Variants in MRTFB observed in about 807,000 individuals in gnomAD.
The protein encoded by MRTFB is myocardin-related transcription factor B.
Under a neutral mutation model 104.2 loss-of-function variants are expected in MRTFB, and 29 were observed. That is an observed-to-expected ratio of 0.28 (90% CI 0.21 to 0.38). MRTFB has a LOEUF of 0.38. Ranked by LOEUF, MRTFB falls within the 10% of genes least tolerant of loss-of-function variation. The pLI is 1.00. For missense variants in MRTFB, 1,270 were observed against 1,341.6 expected, an observed-to-expected ratio of 0.95 and a Z score of 0.83; for synonymous variants, 535 against 519.5, an observed-to-expected ratio of 1.03 and a Z score of -0.41.
At chr16:14,011,413 T>C in the MRTFB span, among the ~76,000 whole-genome samples, 1 of 152,160 alleles carries the variant, frequency 6.6e-6, no homozygotes. Flanking sequence ...GAAAGCACTC[T>C]GAGAAAAGAA....
At chr16:14,135,058 G>A (rs1197139682) in intron 2 of MRTFB, among the ~76,000 whole-genome samples, 1 of 152,126 alleles carries the variant, frequency 6.6e-6, no homozygotes, top group Non-Finnish European at 1.5e-5. Context: ...GAAATGATTT[G>A]CCTGAAGTCA....
At chr16:14,233,616 C>T (rs111396937) in intron 8 of MRTFB, among the ~76,000 whole-genome samples, 164 of 151,810 alleles carry the variant, frequency 1.1e-3, no homozygotes, top group African/African-American at 3.7e-3. Flanking sequence ...TGGTGAAACC[C>T]GCATCTCTAC....
chr16:14,217,904 C>T (rs976117462), intron 7 of MRTFB, among the ~76,000 whole-genome samples: 1 of 152,190 alleles, frequency 6.6e-6, no homozygotes, highest in African/African-American at 2.4e-5. Context: ...CACTTAGTTA[C>T]TGATGTTTCT....
chr16:14,238,403 G>T (rs1174017731), intron 9 of MRTFB, among the ~76,000 whole-genome samples: 2 of 152,196 alleles, frequency 1.3e-5, no homozygotes, highest in African/African-American at 4.8e-5. Context: ...TGTAAAGGTT[G>T]TAACAGAAAA....
intron 3 of MRTFB, among the ~76,000 whole-genome samples, chr16:14,182,201 A>G (rs1160608635): frequency 6.6e-6 from 1 of 152,146 alleles, no homozygotes; most frequent in Non-Finnish European, 1.5e-5. Flanking sequence ...AATTCATTCC[A>G]AAAGGCATTG....
the MRTFB span, among the ~76,000 whole-genome samples, chr16:14,007,786 C>G: frequency 1.3e-5 from 2 of 152,204 alleles, no homozygotes; most frequent in African/African-American, 4.8e-5. Context: ...GGTATCTCAT[C>G]ATCTCATCAT....
At chr16:14,092,053 C>A (rs1045231695) in intron 2 of MRTFB, among the ~76,000 whole-genome samples, 2 of 149,642 alleles carry the variant, frequency 1.3e-5, no homozygotes, top group Non-Finnish European at 3.0e-5. Context: ...CTTTGGTAAC[C>A]TATGATGGCA....
chr16:14,228,976 C>G (rs1748076162), intron 8 of MRTFB, among the ~76,000 whole-genome samples: 2 of 152,110 alleles, frequency 1.3e-5, no homozygotes, highest in African/African-American at 2.4e-5. Context: ...GGAACATGAA[C>G]AAGTCTGGAG....
intron 3 of MRTFB, among the ~76,000 whole-genome samples, chr16:14,180,300 A>G (rs2039725297): frequency 6.6e-6 from 1 of 152,220 alleles, no homozygotes. Flanking sequence ...TTGTATCAAT[A>G]AGGTGATGAA....
At chr16:14,229,013 A>G (rs931748754) in intron 8 of MRTFB, among the ~76,000 whole-genome samples, 1 of 152,212 alleles carries the variant, frequency 6.6e-6, no homozygotes, top group Non-Finnish European at 1.5e-5. Flanking sequence ...TTGCAGAACA[A>G]TATAAATGTA....
Position 14,262,186 on chromosome 16 carries a change from TG to T in MRTFB, c.*745del, listed in dbSNP as rs1178497757. The stretch of plus-strand genomic sequence containing the variant: ...ACTGAAAATTCTATTAGCAACCTTC[TG>T]GGTTGGTTAGATTGATTTTAATGTA... On this transcript the variant is annotated 3_prime_UTR_variant, in exon 17 of 17. Coordinates refer to ENST00000571589, the MANE Select transcript of MRTFB (RefSeq NM_001308142.2). 1 of 152,226 alleles carries T rather than the reference TG, an allele frequency of 6.6e-6. No homozygotes were observed. The highest frequency in any genetic ancestry group is 1.5e-5 in the Non-Finnish European group (1 of 68,036). 9.4% of individuals were successfully genotyped at this position (152,226 alleles called of 1,614,324 possible).
chr16:14,207,482 T>C (rs984821104), intron 3 of MRTFB, among the ~76,000 whole-genome samples: 4 of 152,232 alleles, frequency 2.6e-5, no homozygotes, highest in African/African-American at 9.6e-5. Flanking sequence ...TCATTTGTTA[T>C]ACATTTGGTC....
chr16:14,097,650 A>G (rs1410119139), intron 2 of MRTFB, among the ~76,000 whole-genome samples: 1 of 152,216 alleles, frequency 6.6e-6, no homozygotes, highest in African/African-American at 2.4e-5. Flanking sequence ...ACGTACACCC[A>G]TGAAACTTTC....
rs893534947 is a variant in MRTFB at position 14,079,129 on chromosome 16, C to A, written c.-128-161C>A. On this transcript the variant is annotated intron_variant, in intron 1 of 16. Coordinates refer to ENST00000571589, the MANE Select transcript of MRTFB (RefSeq NM_001308142.2). ...AACAATTTAGGAAAAGTTTTAGTTA[C>A]ATTTTCAAATTTTTACTTTCCTTCC... Among the ~76,000 whole-genome samples the A allele has an allele frequency of 5.3e-5, 8 of 152,266 alleles. 1 individual carries two copies. In the South Asian group the frequency reaches 1.0e-3, roughly 20 times the overall value.
chr16:14,247,583 C>A, intron 12 of MRTFB, 76 bp downstream of exon 12: 1 of 1,341,404 alleles, frequency 7.5e-7, no homozygotes, highest in African/African-American at 1.5e-5. Context: ...AGGCACCATA[C>A]CTGAGCTCTT....
At chr16:14,031,209 T>A in the MRTFB span, among the ~76,000 whole-genome samples, 1 of 152,006 alleles carries the variant, frequency 6.6e-6, no homozygotes, top group African/African-American at 2.4e-5. Flanking sequence ...CTGATCAACA[T>A]GGCAAGAGCC....
At chr16:14,085,331 C>T (rs2034634223) in intron 2 of MRTFB, among the ~76,000 whole-genome samples, 1 of 151,766 alleles carries the variant, frequency 6.6e-6, no homozygotes, top group Admixed American at 6.6e-5. Context: ...GTGGCGGGCG[C>T]CTGTAATCCC....
At chr16:14,080,869 G>C (rs1230216523) in intron 2 of MRTFB, among the ~76,000 whole-genome samples, 4 of 152,196 alleles carry the variant, frequency 2.6e-5, no homozygotes, top group African/African-American at 7.2e-5. Flanking sequence ...GTACTCCGTT[G>C]TGTATATATA....
At chr16:14,145,953 C>T (rs1166711583) in intron 3 of MRTFB, among the ~76,000 whole-genome samples, 5 of 152,204 alleles carry the variant, frequency 3.3e-5, no homozygotes, top group Admixed American at 6.5e-5. Flanking sequence ...GGGGACCCTG[C>T]GGGAGAAGCT....
Sources: gnomAD v4.1 joint callset for allele counts (sites outside exome capture counted in the v4.1 genomes callset) on GRCh38, gnomAD v4.1.1 for gene constraint, MANE v1.5 for transcripts, NCBI Gene and HGNC (gene_info 2026-07-23, HGNC 2026-07-21) for gene names.